SESN1: variants seen among roughly 807,000 people sequenced by gnomAD.
SESN1 encodes sestrin 1, also known as sestrin-1.
In SESN1, 30 loss-of-function variants were observed where a neutral mutation model predicts 59.3. That is an observed-to-expected ratio of 0.51 (90% CI 0.38 to 0.69). SESN1 has a LOEUF of 0.69. SESN1 is among the 30% of genes least tolerant of loss of function. The probability of loss-of-function intolerance (pLI) is 0.00; values close to 1 mark genes in which losing one functional copy is unlikely to be tolerated. For synonymous variants in SESN1, 197 were observed against 219.9 expected, an observed-to-expected ratio of 0.90 and a Z score of 0.92; for missense variants, 566 against 673.0, an observed-to-expected ratio of 0.84 and a Z score of 1.76.
At chr6:108,993,071 G>C in intron 6 of SESN1, 172 bp from the exon 7 acceptor site, 1 of 543,448 alleles carries the variant, frequency 1.8e-6, no homozygotes, top group Non-Finnish European at 3.2e-6. Context: ...ACAGAATGTA[G>C]TAAAAGGAGA....
At chr6:109,088,137 A>G (rs1363561865) in intron 1 of SESN1, 1 of 152,110 alleles carries the variant, frequency 6.6e-6, no homozygotes, top group Non-Finnish European at 1.5e-5. Flanking sequence ...TTCTTCCCCG[A>G]GAGAGAGACG....
intron 1 of SESN1, among the ~76,000 whole-genome samples, chr6:109,059,788 G>A (rs183128779): frequency 4.6e-5 from 7 of 152,074 alleles, no homozygotes; most frequent in Non-Finnish European, 7.4e-5. Flanking sequence ...TGCCCCTACC[G>A]GCCCTTCCAA....
chr6:108,993,828 C>A lies in SESN1; in HGVS notation c.1120+634G>T, dbSNP rs190613737. ...GCCTGGCTTCAAGGTGATCCTTCCA[C>A]CTCAGCTTCTTGAGTAGCCGGTACT... On this transcript the variant is annotated intron_variant, in intron 6 of 9. Coordinates refer to ENST00000436639, the MANE Select transcript of SESN1 (RefSeq NM_014454.3). Among the ~76,000 whole-genome samples the A allele has an allele frequency of 1.9e-3, 287 of 152,134 alleles. 1 individual carries two copies. The highest frequency in any genetic ancestry group is 6.7e-3 in the African/African-American group (279 of 41,482).
intron 1 of SESN1, among the ~76,000 whole-genome samples, chr6:109,020,796 C>T (rs188287330): frequency 1.3e-5 from 2 of 152,292 alleles, no homozygotes; most frequent in Admixed American, 6.5e-5. Context: ...CAGTTTTCTT[C>T]ATTTTGCTTC....
chr6:109,020,617 A>G (rs770806572), intron 1 of SESN1, among the ~76,000 whole-genome samples: 9 of 151,612 alleles, frequency 5.9e-5, no homozygotes, highest in Non-Finnish European at 1.0e-4. Flanking sequence ...CTATCACTCA[A>G]TACATATCCT....
At chr6:109,057,120 G>C (rs1041164904) in intron 1 of SESN1, among the ~76,000 whole-genome samples, 6 of 152,186 alleles carry the variant, frequency 3.9e-5, no homozygotes, top group African/African-American at 1.4e-4. Flanking sequence ...AGCCTTCAGA[G>C]GACTGCAGCT....
intron 5 of SESN1, 38 bp from the exon 6 acceptor site, chr6:108,994,647 C>T (rs1364305522): frequency 5.1e-6 from 7 of 1,361,068 alleles, no homozygotes; most frequent in Non-Finnish European, 7.0e-6. Context: ...ATGTGGCAGA[C>T]ATAGAATATA....
At chr6:108,997,494 T>C (rs1430589610) in intron 5 of SESN1, among the ~76,000 whole-genome samples, 2 of 152,190 alleles carry the variant, frequency 1.3e-5, no homozygotes, top group African/African-American at 2.4e-5. Flanking sequence ...AAAATTATTC[T>C]TTCTTGTGCT....
rs1332653586 is a variant in SESN1, at chr6:109,059,977, CA to C, written c.279+33817del. Among the ~76,000 whole-genome samples the C allele has an allele frequency of 1.3e-4, 20 of 152,262 alleles. No homozygotes were observed. The East Asian group carries it at 3.9e-3, about 29-fold the overall frequency. On this transcript the variant is annotated intron_variant, in intron 1 of 9. Coordinates refer to ENST00000436639, the MANE Select transcript of SESN1 (RefSeq NM_014454.3). Reference sequence around the variant, plus strand: ...CACAGGGACTTCCCCTTTGCTACACCATGGTATTCTTTGACCTACTTTAGTT... The same window carrying C: ...CACAGGGACTTCCCCTTTGCTACACCTGGTATTCTTTGACCTACTTTAGTT...
chr6:109,055,519 C>T (rs6929798), intron 1 of SESN1, among the ~76,000 whole-genome samples: 11,656 of 151,492 alleles, frequency 0.077, 922 homozygotes, highest in African/African-American at 0.2. Flanking sequence ...AAAAATTAGC[C>T]GGGTGTGGTG....
chr6:108,998,334 T>C, intron 5 of SESN1, 179 bp downstream of exon 5: 1 of 623,080 alleles, frequency 1.6e-6, no homozygotes, highest in Non-Finnish European at 2.7e-6. Flanking sequence ...GTATATCACC[T>C]AGACTAGTGA....
At chr6:109,009,566 G>A in intron 1 of SESN1, 1 of 1,108,988 alleles carries the variant, frequency 9.0e-7, no homozygotes, top group Non-Finnish European at 1.1e-6. Flanking sequence ...GGGGGGGCGG[G>A]GCGGCGCCGA....
chr6:109,060,330 GA>G (rs1479309003), intron 1 of SESN1, among the ~76,000 whole-genome samples: 1 of 152,080 alleles, frequency 6.6e-6, no homozygotes, highest in Non-Finnish European at 1.5e-5. Flanking sequence ...ATGTATTCCT[GA>G]TCCACAGATC....
chr6:109,075,068 G>A (rs569366932), intron 1 of SESN1, among the ~76,000 whole-genome samples: 2 of 152,282 alleles, frequency 1.3e-5, no homozygotes, highest in African/African-American at 4.8e-5. Flanking sequence ...CTGGTGTGAG[G>A]CTCCTTTATC....
chr6:109,074,942 G>A (rs1383888886), intron 1 of SESN1, among the ~76,000 whole-genome samples: 1 of 152,230 alleles, frequency 6.6e-6, no homozygotes, highest in Non-Finnish European at 1.5e-5. Context: ...ATGGAGGAAA[G>A]GAAGAACGAG....
chr6:109,080,871 A>G (rs1562476287), intron 1 of SESN1, among the ~76,000 whole-genome samples: 2 of 152,176 alleles, frequency 1.3e-5, no homozygotes, highest in African/African-American at 4.8e-5. Context: ...AAAATTCCAC[A>G]CACAAGTACT....
chr6:109,028,743 G>A (rs752002820), intron 1 of SESN1, among the ~76,000 whole-genome samples: 10 of 152,228 alleles, frequency 6.6e-5, no homozygotes, highest in African/African-American at 2.2e-4. Context: ...TAATTGCCCC[G>A]ATCTCAGAAC....
chr6:109,000,204 TATG>T (rs1779585288), intron 4 of SESN1: 1 of 219,050 alleles, frequency 4.6e-6, no homozygotes, highest in Non-Finnish European at 8.9e-6. Flanking sequence ...AACTATTCCA[TATG>T]ATATTGTAAT....
intron 1 of SESN1, among the ~76,000 whole-genome samples, chr6:109,028,899 G>A (rs566545139): frequency 5.9e-5 from 9 of 152,272 alleles, no homozygotes; most frequent in South Asian, 4.1e-4. Flanking sequence ...ACAGGATTGC[G>A]CATGGTGCAT....
Sources: allele counts gnomAD v4.1 joint callset (sites outside exome capture counted in the v4.1 genomes callset), GRCh38; gene constraint gnomAD v4.1.1; transcripts MANE v1.5; gene names NCBI Gene and HGNC (gene_info 2026-07-23, HGNC 2026-07-21).